The following OXR1 variants were observed in gnomAD, a reference collection of about 807,000 sequenced individuals.
OXR1 encodes the protein oxidation resistance protein 1.
A neutral mutation model predicts 104.6 loss-of-function variants in OXR1; 41 were observed. The ratio of observed to expected loss-of-function variants is 0.39; its 90% CI spans 0.31 to 0.51. The LOEUF is 0.51. OXR1 is among the 20% of genes least tolerant of loss of function. OXR1 has a pLI of 0.77. For missense variants in OXR1, 955 were observed against 1,031.9 expected (o/e 0.93, Z 1.02); for synonymous variants, 348 against 348.4 (o/e 1.00, Z 0.01).
chr8:106,578,006 C>T (rs1350708571), intron 3 of OXR1, among the ~76,000 whole-genome samples: 2 of 152,158 alleles, frequency 1.3e-5, no homozygotes, highest in Non-Finnish European at 2.9e-5. Context: ...CATTAGTTGG[C>T]CGGTGCCCCT....
intron 2 of OXR1, among the ~76,000 whole-genome samples, chr8:106,390,689 T>C: frequency 6.6e-6 from 1 of 152,160 alleles, no homozygotes; most frequent in Non-Finnish European, 1.5e-5. Context: ...GAATAAACAA[T>C]TCAGTAGAAA....
chr8:106,391,302 G>T (rs185787519), intron 2 of OXR1, among the ~76,000 whole-genome samples: 3 of 152,112 alleles, frequency 2.0e-5, no homozygotes, highest in Non-Finnish European at 4.4e-5. Context: ...ACATTTTGCT[G>T]TAGATCTAAT....
chr8:106,672,529 A>C (rs1306565657), intron 3 of OXR1, among the ~76,000 whole-genome samples: 4 of 150,524 alleles, frequency 2.7e-5, no homozygotes, highest in Admixed American at 6.7e-5. Context: ...AGAGAGAGAG[A>C]GAGAAAAGAA....
intron 3 of OXR1, among the ~76,000 whole-genome samples, chr8:106,662,498 A>G (rs1382305948): frequency 6.6e-6 from 1 of 152,210 alleles, no homozygotes; most frequent in African/African-American, 2.4e-5. Flanking sequence ...CACTTTTGAT[A>G]ATCATGGAAA....
chr8:106,733,524 T>A (rs1834081886), intron 11 of OXR1, among the ~76,000 whole-genome samples: 1 of 152,220 alleles, frequency 6.6e-6, no homozygotes, highest in South Asian at 2.1e-4. Flanking sequence ...TGATTCCATA[T>A]TCTTTCATCT....
At chr8:106,355,741 C>T (rs1234902240) in intron 1 of OXR1, among the ~76,000 whole-genome samples, 1 of 151,304 alleles carries the variant, frequency 6.6e-6, no homozygotes, top group East Asian at 1.9e-4. Context: ...AGAAAAAATG[C>T]AATTCTTTAA....
intron 2 of OXR1, among the ~76,000 whole-genome samples, chr8:106,402,981 T>G (rs1193992426): frequency 6.6e-6 from 1 of 152,078 alleles, no homozygotes; most frequent in Non-Finnish European, 1.5e-5. Flanking sequence ...CCACCACGCC[T>G]GGCTAAATTT....
intron 2 of OXR1, among the ~76,000 whole-genome samples, chr8:106,376,423 T>A (rs1816908727): frequency 6.6e-6 from 1 of 152,074 alleles, no homozygotes; most frequent in African/African-American, 2.4e-5. Context: ...AGCTGTGAAA[T>A]CATAAAAGAC....
chr8:106,512,024 T>A (rs970438047), intron 2 of OXR1, among the ~76,000 whole-genome samples: 2 of 152,238 alleles, frequency 1.3e-5, no homozygotes, highest in Admixed American at 6.5e-5. Flanking sequence ...TGAATGTTCA[T>A]GTTTGCTTTT....
chr8:106,432,974 C>T (rs1439834112), intron 2 of OXR1, among the ~76,000 whole-genome samples: 1 of 152,112 alleles, frequency 6.6e-6, no homozygotes, highest in Non-Finnish European at 1.5e-5. Context: ...TGAGATTGAT[C>T]TATAACTGCC....
intron 10 of OXR1, among the ~76,000 whole-genome samples, chr8:106,712,604 A>G (rs1563736880): frequency 1.3e-5 from 2 of 152,048 alleles, no homozygotes; most frequent in Admixed American, 1.3e-4. Context: ...TACCTCTTGG[A>G]AAATCTTTAT....
At chr8:106,727,419 ATTTTT>A (rs1347534490) in intron 11 of OXR1, among the ~76,000 whole-genome samples, 1 of 151,950 alleles carries the variant, frequency 6.6e-6, no homozygotes, top group East Asian at 1.9e-4. Flanking sequence ...TTCATTCTTT[ATTTTT>A]ATTTTTATTT....
At position 106,341,866 on chromosome 8, in the gene OXR1, C is replaced by G. The variant is rs536842580; in HGVS notation, c.-138-17610C>G. Among the ~76,000 whole-genome samples the G allele has an allele frequency of 2.1e-3, 311 of 146,912 alleles. 1 individual carries two copies. Among genetic ancestry groups the G allele is most frequent in the Non-Finnish European group, 3.8e-3 (252 of 66,572 alleles). On this transcript the variant is annotated intron_variant, in intron 1 of 16. Transcript: ENST00000517566. Reference sequence around the variant, plus strand: ...AGGATCATCCTTCCATCTATATCCCCCACCTCTATTTTTTTTTTTTCTTTT... The same window carrying G: ...AGGATCATCCTTCCATCTATATCCCGCACCTCTATTTTTTTTTTTTCTTTT...
chr8:106,474,536 G>GA (rs1057259104), intron 2 of OXR1, among the ~76,000 whole-genome samples: 25 of 146,278 alleles, frequency 1.7e-4, no homozygotes, highest in East Asian at 1.4e-3. Context: ...GTAAAAAGTT[G>GA]AAAAAAAAAC....
Position 106,751,350 on chromosome 8 carries a change from T to C in OXR1, c.*409T>C, listed in dbSNP as rs531853724. On this transcript the variant is annotated 3_prime_UTR_variant, in exon 17 of 17. Transcript: ENST00000517566. ...ATTGGGGCATTGAGGAAATGAAGAC[T>C]GGATACTTCTGTATCTGTGAAGTTG... 1.3e-5 allele frequency: 2 copies of C among 153,622 alleles called. No homozygotes were observed. The highest frequency in any genetic ancestry group is 2.9e-5 in the Non-Finnish European group (2 of 68,796). The allele number at this position is 153,622 out of a possible 1,614,324, so 9.5% of individuals were successfully genotyped here.
At chr8:106,367,072 T>A (rs1288395669) in intron 2 of OXR1, among the ~76,000 whole-genome samples, 1 of 151,240 alleles carries the variant, frequency 6.6e-6, no homozygotes, top group Non-Finnish European at 1.5e-5. Flanking sequence ...CCCTTTTTTT[T>A]TTTTTTTTGA....
intron 1 of OXR1, among the ~76,000 whole-genome samples, chr8:106,319,767 G>A (rs571270870): frequency 1.5e-4 from 23 of 152,320 alleles, no homozygotes; most frequent in African/African-American, 4.6e-4. Context: ...AGGAATAAAG[G>A]CGATTCTTTA....
At chr8:106,699,435 C>T (rs1830391846) in intron 7 of OXR1, among the ~76,000 whole-genome samples, 1 of 152,162 alleles carries the variant, frequency 6.6e-6, no homozygotes. Flanking sequence ...ACTTTCTCCA[C>T]TCAGTATGCT....
chr8:106,411,636 A>G (rs1233083204), intron 2 of OXR1, among the ~76,000 whole-genome samples: 2 of 152,178 alleles, frequency 1.3e-5, no homozygotes, highest in African/African-American at 2.4e-5. Context: ...TGATTGCATG[A>G]TTTTTAATAA....
Sources: gnomAD v4.1 joint callset for allele counts (sites outside exome capture counted in the v4.1 genomes callset) on GRCh38, gnomAD v4.1.1 for gene constraint, MANE v1.5 for transcripts, NCBI Gene and HGNC (gene_info 2026-07-23, HGNC 2026-07-21) for gene names.